GPC5: variants seen among roughly 807,000 people sequenced by gnomAD.
The protein encoded by GPC5 is glypican 5.
In GPC5, 47 loss-of-function variants were observed where a neutral mutation model predicts 53.9. The observed-to-expected ratio is 0.87, with a 90% CI of 0.69 to 1.11. The LOEUF (loss-of-function observed/expected upper bound fraction) is 1.11. Among genes scored for constraint, GPC5 ranks in the 50% most tolerant of loss-of-function variants. GPC5 has a pLI of 0.00. For synonymous variants in GPC5, 286 were observed against 263.3 expected, an observed-to-expected ratio of 1.09 and a Z score of -0.84; for missense variants, 748 against 713.1, an observed-to-expected ratio of 1.05 and a Z score of -0.56.
chr13:92,300,656 A>G (rs772352944), intron 7 of GPC5, among the ~76,000 whole-genome samples: 23 of 152,212 alleles, frequency 1.5e-4, no homozygotes, highest in Admixed American at 5.2e-4. Flanking sequence ...TCTGTCTCAC[A>G]TCTTTTAAGA....
At chr13:92,749,322 G>A (rs1157027453) in intron 7 of GPC5, among the ~76,000 whole-genome samples, 1 of 151,788 alleles carries the variant, frequency 6.6e-6, no homozygotes, top group African/African-American at 2.4e-5. Context: ...TCATTGCTAG[G>A]TATTTTTAAT....
At chr13:92,749,786 T>C (rs1163039136) in intron 7 of GPC5, among the ~76,000 whole-genome samples, 1 of 152,170 alleles carries the variant, frequency 6.6e-6, no homozygotes, top group East Asian at 1.9e-4. Flanking sequence ...GACCCGCTAA[T>C]TTGTACAATT....
intron 7 of GPC5, among the ~76,000 whole-genome samples, chr13:92,375,956 T>C (rs540015375): frequency 7.2e-4 from 110 of 151,812 alleles, no homozygotes; most frequent in Admixed American, 1.7e-3. Flanking sequence ...CTTCCTATTA[T>C]AGGTTTTTTG....
chr13:91,684,366 A>T (rs1299074717), intron 2 of GPC5, among the ~76,000 whole-genome samples: 3 of 152,164 alleles, frequency 2.0e-5, no homozygotes, highest in African/African-American at 7.2e-5. Flanking sequence ...AACTGGTAAC[A>T]TGTTCAAAAC....
chr13:91,978,591 C>A (rs1483742342), intron 6 of GPC5, among the ~76,000 whole-genome samples: 1 of 152,146 alleles, frequency 6.6e-6, no homozygotes, highest in Non-Finnish European at 1.5e-5. Flanking sequence ...GATTTGTTAC[C>A]ATGAGACACA....
chr13:92,740,686 G>T (rs531186955), intron 7 of GPC5, among the ~76,000 whole-genome samples: 1 of 151,976 alleles, frequency 6.6e-6, no homozygotes, highest in South Asian at 2.1e-4. Context: ...AAGTTTGGTA[G>T]GATGTCTACA....
chr13:92,560,012 C>T (rs1387626672), intron 7 of GPC5, among the ~76,000 whole-genome samples: 1 of 151,500 alleles, frequency 6.6e-6, no homozygotes, highest in Non-Finnish European at 1.5e-5. Context: ...CCTTTTTCCA[C>T]AGGGTATCGC....
At chr13:92,586,947 T>TAC (rs751189074) in intron 7 of GPC5, among the ~76,000 whole-genome samples, 37 of 140,866 alleles carry the variant, frequency 2.6e-4, no homozygotes, top group East Asian at 1.4e-3. Flanking sequence ...CTCTCTTGCA[T>TAC]ACACACACAC....
chr13:91,547,809 C>A (rs184879358), intron 2 of GPC5, among the ~76,000 whole-genome samples: 1 of 151,984 alleles, frequency 6.6e-6, no homozygotes, highest in Non-Finnish European at 1.5e-5. Flanking sequence ...AGGTATGCAC[C>A]GTTGGTTGAA....
At chr13:92,784,382 G>A (rs1412141124) in intron 7 of GPC5, among the ~76,000 whole-genome samples, 1 of 151,944 alleles carries the variant, frequency 6.6e-6, no homozygotes, top group African/African-American at 2.4e-5. Context: ...CCACTAAAGT[G>A]ATCAATTTAG....
intron 7 of GPC5, chr13:92,447,339 T>C (rs1426123711): frequency 2.6e-5 from 4 of 152,134 alleles, no homozygotes. Flanking sequence ...TCTAGTCTCT[T>C]TGGTCTTTTA....
chr13:92,150,891 T>TAAAA (rs5805730), intron 7 of GPC5, among the ~76,000 whole-genome samples: 22 of 144,972 alleles, frequency 1.5e-4, no homozygotes, highest in African/African-American at 5.7e-4. Context: ...ATAGAGGAAG[T>TAAAA]AAAAAAAAAA....
intron 7 of GPC5, among the ~76,000 whole-genome samples, chr13:92,350,583 G>A (rs556851522): frequency 2.0e-5 from 3 of 152,264 alleles, no homozygotes; most frequent in East Asian, 3.9e-4. Flanking sequence ...ATCTCAGACA[G>A]AAGGAAGTTC....
intron 7 of GPC5, among the ~76,000 whole-genome samples, chr13:92,457,557 C>A (rs1456756618): frequency 1.3e-5 from 2 of 152,104 alleles, no homozygotes; most frequent in Non-Finnish European, 2.9e-5. Context: ...CATGCTACCC[C>A]AGGCTCACAG....
intron 7 of GPC5, among the ~76,000 whole-genome samples, chr13:92,335,098 C>A (rs1261720434): frequency 1.3e-5 from 2 of 152,154 alleles, no homozygotes; most frequent in African/African-American, 4.8e-5. Flanking sequence ...CCCACATTTC[C>A]CTTCAGCACT....
At chr13:92,050,321 A>T (rs12429155) in intron 6 of GPC5, among the ~76,000 whole-genome samples, 66,044 of 151,602 alleles carry the variant, frequency 0.44, 14,706 homozygotes, top group Admixed American at 0.52. Flanking sequence ...TCTTCTCTAT[A>T]TTTTTTTTAA....
intron 7 of GPC5, among the ~76,000 whole-genome samples, chr13:92,385,831 A>T (rs187385152): frequency 3.4e-5 from 5 of 148,170 alleles, no homozygotes; most frequent in South Asian, 2.1e-4. Context: ...ATATATATAT[A>T]TTTTCAGATG....
intron 2 of GPC5, among the ~76,000 whole-genome samples, chr13:91,669,196 G>A (rs780864524): frequency 1.3e-5 from 2 of 151,458 alleles, no homozygotes; most frequent in African/African-American, 4.8e-5. Context: ...GTGCCCCCCC[G>A]ACATTAACTG....
chr13:91,884,554 A>G (rs1001931010), intron 5 of GPC5, among the ~76,000 whole-genome samples: 2 of 152,216 alleles, frequency 1.3e-5, no homozygotes, highest in Non-Finnish European at 2.9e-5. Flanking sequence ...ATGAGAATAC[A>G]TGAACACAGA....
Sources: allele counts gnomAD v4.1 joint callset (sites outside exome capture counted in the v4.1 genomes callset), GRCh38; gene constraint gnomAD v4.1.1; transcripts MANE v1.5; gene names NCBI Gene and HGNC (gene_info 2026-07-23, HGNC 2026-07-21).